RELB: variants seen among roughly 807,000 people sequenced by gnomAD.
RELB encodes the protein transcription factor RelB.
Under a neutral mutation model 55.4 loss-of-function variants are expected in RELB, and 14 were observed. The ratio of observed to expected loss-of-function variants is 0.25; its 90% confidence interval spans 0.17 to 0.40. RELB has a LOEUF of 0.40. RELB is among the 10% of genes least tolerant of loss of function. The pLI, the probability that RELB is intolerant of heterozygous loss-of-function variation, is 1.00. For missense variants in RELB, 669 were observed against 830.7 expected (o/e 0.81, Z 2.39); for synonymous variants, 409 against 371.3 (o/e 1.10, Z -1.17).
chr19:45,001,485 C>G lies in RELB; in HGVS notation c.-95C>G, dbSNP rs1971207576. On this transcript the variant is annotated 5_prime_UTR_variant, in exon 1 of 12. Coordinates refer to ENST00000221452, the MANE Select transcript of RELB (RefSeq NM_006509.4). The stretch of plus-strand genomic sequence containing the variant: ...CCGCGCAGCCCCGGGCGCCGCGCGT[C>G]CTGCCCGGCCTGCGGCCCCAGCCCT... The G allele has an allele frequency of 6.8e-6, 3 of 442,026 alleles. No homozygotes were observed. In the South Asian group the frequency reaches 2.8e-4, roughly 41 times the overall value. The allele number at this position is 442,026 out of a possible 1,614,324, so 27.4% of individuals were successfully genotyped here.
chr19:45,033,824 T>G, intron 9 of RELB, among the ~76,000 whole-genome samples: 2 of 147,492 alleles, frequency 1.4e-5, no homozygotes, highest in African/African-American at 2.5e-5. Context: ...ATTGCAGGAG[T>G]GAGCCACCAC....
chr19:45,037,772 G>C lies in RELB; in HGVS notation c.1722G>C (p.Pro574=), dbSNP rs1971715186. ...CCTTTGGGGGCGGCCTCCTATCCCC[G>C]GGGCCTGAAGCCACGTAGCCCCGCG... The part of the protein sequence containing the change: ...EAAFGGGLLS[P]GPEAT The change falls in exon 12 of 12, where the codon CCG becomes CCC. Residue 574 remains proline, a synonymous_variant. Transcript: ENST00000221452. 1.3e-6 allele frequency: 2 copies of C among 1,486,464 alleles called. No homozygotes were observed. The highest frequency in any genetic ancestry group is 1.8e-6 in the Non-Finnish European group (2 of 1,121,320). 92.1% of individuals were successfully genotyped at this position (1,486,464 alleles called of 1,614,324 possible). A position where few individuals can be genotyped will look rare whatever the true frequency, so the allele number is the denominator to read the frequency against.
At chr19:45,012,601 G>A (rs1421487731) in intron 4 of RELB, among the ~76,000 whole-genome samples, 4 of 151,886 alleles carry the variant, frequency 2.6e-5, no homozygotes, top group Non-Finnish European at 5.9e-5. Flanking sequence ...CAAATTAGCC[G>A]AGTGTGGTGG....
At chr19:45,021,619 G>T (rs1971489676) in intron 4 of RELB, among the ~76,000 whole-genome samples, 1 of 110,652 alleles carries the variant, frequency 9.0e-6, no homozygotes, top group Non-Finnish European at 1.7e-5. Context: ...CTGTCACCCA[G>T]GCTGGAGTGC....
chr19:45,023,685 G>A (rs965581907), intron 5 of RELB, among the ~76,000 whole-genome samples: 9 of 145,166 alleles, frequency 6.2e-5, no homozygotes, highest in African/African-American at 2.3e-4. Context: ...TGATCCGCCC[G>A]CCTCGGCCTC....
intron 2 of RELB, among the ~76,000 whole-genome samples, chr19:45,008,000 C>CAAAAAA (rs57007961): frequency 1.9e-4 from 12 of 63,004 alleles, no homozygotes; most frequent in African/African-American, 4.0e-4. Context: ...GCTAAAAATA[C>CAAAAAA]AAAAAAAAAA....
chr19:45,024,756 G>T (rs112368003), intron 5 of RELB, among the ~76,000 whole-genome samples: 1 of 151,652 alleles, frequency 6.6e-6, no homozygotes, highest in Non-Finnish European at 1.5e-5. Flanking sequence ...CACCATGCTG[G>T]CCAGGATGGT....
intron 2 of RELB, among the ~76,000 whole-genome samples, chr19:45,005,488 T>G (rs1344288539): frequency 6.6e-6 from 1 of 152,196 alleles, no homozygotes; most frequent in Non-Finnish European, 1.5e-5. Context: ...TGGACCCAAG[T>G]TCTGGCTTGG....
At chr19:45,034,157 TAAA>T (rs1434068945) in intron 9 of RELB, 84 bp from the exon 10 acceptor site, 6 of 1,024,604 alleles carry the variant, frequency 5.9e-6, no homozygotes, top group Non-Finnish European at 8.2e-6. Flanking sequence ...AGACTGTCTC[TAAA>T]AATAAATAAA....
In RELB at chr19:45,014,809, G is replaced by A. The variant is rs567609451; in HGVS notation, c.504+2533G>A. 4.0e-5 allele frequency among the ~76,000 whole-genome samples: 6 copies of A among 149,482 alleles called. No homozygotes were observed. In the South Asian group the frequency reaches 6.4e-4, roughly 16 times the overall value. ...GCTGGGATTACAGGTGTGAGCCACC[G>A]TGCTCGGACCCCAGAGTTGGTTTTG... On this transcript the variant is annotated intron_variant, in intron 4 of 11. Transcript: ENST00000221452.
At chr19:45,035,667 AAC>A (rs1340702427) in intron 11 of RELB, among the ~76,000 whole-genome samples, 1 of 151,916 alleles carries the variant, frequency 6.6e-6, no homozygotes, top group Non-Finnish European at 1.5e-5. Flanking sequence ...CTCTACTAAA[AAC>A]ACAAAAATTA....
intron 2 of RELB, among the ~76,000 whole-genome samples, chr19:45,004,622 C>T (rs1358066966): frequency 1.3e-5 from 2 of 151,098 alleles, no homozygotes; most frequent in Non-Finnish European, 3.0e-5. Flanking sequence ...AATCCCGGCA[C>T]TTTGGGAGGC....
intron 8 of RELB, among the ~76,000 whole-genome samples, chr19:45,029,938 C>A (rs1210878791): frequency 6.6e-6 from 1 of 150,734 alleles, no homozygotes; most frequent in Non-Finnish European, 1.5e-5. Flanking sequence ...GAGGCTGAGG[C>A]GGGCAGATCA....
intron 2 of RELB, among the ~76,000 whole-genome samples, chr19:45,006,407 T>C (rs1971282551): frequency 6.6e-6 from 1 of 151,952 alleles, no homozygotes; most frequent in South Asian, 2.1e-4. Flanking sequence ...TTTCACCACG[T>C]TGGCCAGGCT....
intron 2 of RELB, among the ~76,000 whole-genome samples, chr19:45,003,906 G>GTTTTTTTT (rs1568395564): frequency 8.0e-5 from 5 of 62,532 alleles, no homozygotes; most frequent in African/African-American, 2.2e-4. Flanking sequence ...TTTTTTGTCT[G>GTTTTTTTT]TTTTTTGTGT....
rs1313243159 is a variant in RELB, at chr19:45,022,629, C to A, written c.662+419C>A. Among the ~76,000 whole-genome samples, 9 of 151,412 alleles carry A rather than the reference C, an allele frequency of 5.9e-5. No homozygotes were observed. The Admixed American group carries it at 6.0e-4, about 10-fold the overall frequency. On this transcript the variant is annotated intron_variant, in intron 5 of 11. Coordinates refer to ENST00000221452, the MANE Select transcript of RELB (RefSeq NM_006509.4). Reference sequence around the variant, plus strand: ...ATGGTTCGATCTCAGCTCACTCCAACCTCCACCTCCCGGATTCAAGTGATT... The same window carrying A: ...ATGGTTCGATCTCAGCTCACTCCAAACTCCACCTCCCGGATTCAAGTGATT...
intron 4 of RELB, among the ~76,000 whole-genome samples, chr19:45,012,523 C>G: frequency 6.6e-6 from 1 of 152,024 alleles, no homozygotes; most frequent in East Asian, 1.9e-4. Context: ...GCGGGCGGAT[C>G]CCTTGATGTC....
At chr19:45,034,394 AG>A in intron 10 of RELB, 56 bp from the exon 11 acceptor site, 1 of 1,608,474 alleles carries the variant, frequency 6.2e-7, no homozygotes, top group African/African-American at 1.3e-5. Context: ...GTCCCACCCC[AG>A]GCTGGGGAGG....
intron 3 of RELB, 121 bp downstream of exon 3, chr19:45,009,943 C>G: frequency 9.9e-7 from 1 of 1,014,698 alleles, no homozygotes; most frequent in Admixed American, 1.9e-5. Context: ...ACTTCCAGGA[C>G]TGTGGAGGGA....
Sources: allele counts gnomAD v4.1 joint callset (sites outside exome capture counted in the v4.1 genomes callset), GRCh38; gene constraint gnomAD v4.1.1; transcripts MANE v1.5; gene names NCBI Gene and HGNC (gene_info 2026-07-23, HGNC 2026-07-21).